Variants in CDHR3 observed in about 807,000 individuals in gnomAD.
CDHR3 encodes the protein cadherin related family member 3.
In CDHR3, 79 loss-of-function variants were observed where a neutral mutation model predicts 86.6. That is an observed-to-expected ratio of 0.91 (90% CI 0.76 to 1.10). The LOEUF (loss-of-function observed/expected upper bound fraction) is 1.10. Among genes scored for constraint, CDHR3 ranks in the 50% least tolerant of loss-of-function variants. The probability of loss-of-function intolerance (pLI) is 0.00; values close to 1 mark genes in which losing one functional copy is unlikely to be tolerated. For missense variants in CDHR3, 1,081 were observed against 1,077.6 expected, an observed-to-expected ratio of 1.00 and a Z score of -0.04; for synonymous variants, 421 against 402.4, an observed-to-expected ratio of 1.05 and a Z score of -0.55.
intron 1 of CDHR3, among the ~76,000 whole-genome samples, chr7:105,968,962 C>T (rs1045790152): frequency 3.5e-4 from 53 of 151,388 alleles, no homozygotes; most frequent in Non-Finnish European, 6.8e-4. Context: ...GTGGCGGGCA[C>T]CTGTAGTCCC....
intron 15 of CDHR3, among the ~76,000 whole-genome samples, 172 bp from the exon 16 acceptor site, chr7:106,026,510 C>T (rs1320613939): frequency 3.3e-5 from 5 of 152,160 alleles, no homozygotes; most frequent in South Asian, 2.1e-4. Flanking sequence ...CTGCTTTGTT[C>T]GAAGCAGGCG....
At chr7:106,028,510 C>T (rs560232551) in intron 16 of CDHR3, 41 bp from the exon 17 acceptor site, 1 of 1,612,978 alleles carries the variant, frequency 6.2e-7, no homozygotes, top group South Asian at 1.1e-5. Flanking sequence ...GTCAATTTAC[C>T]ACCCAAGAAG....
In CDHR3 at chr7:106,020,399, T is replaced by G. The variant is rs1005515176; in HGVS notation, c.1680T>G (p.Asn560Lys). The stretch of plus-strand genomic sequence containing the variant: ...TTACTGTGAACATCCTTGAAGAAAA[T>G]GATGAAAAGCCAATTTGTACTCCAA... ...VTVTVNILEE[N>K]DEKPICTPNS... is the part of the protein sequence containing the mutation. The change falls in exon 13 of 19, where the codon AAT becomes AAG. Residue 560 changes from asparagine to lysine, a missense_variant. Physicochemically the swap from Asn to Lys is moderately conservative, Grantham distance 94. Transcript: ENST00000317716. The G allele has an allele frequency of 6.2e-7, 1 of 1,613,256 alleles. No homozygotes were observed. The highest frequency in any genetic ancestry group is 2.2e-5 in the East Asian group (1 of 44,860).
At chr7:106,029,548 G>GTCTCTCTCTCTCTCTCTCTCTCTC (rs59823993) in intron 17 of CDHR3, among the ~76,000 whole-genome samples, 1 of 147,078 alleles carries the variant, frequency 6.8e-6, no homozygotes, top group African/African-American at 2.5e-5. Context: ...CTCCACCTCT[G>GTCTCTCTCTCTCTCTCTCTCTCTC]TCTCTCTCTC....
chr7:106,022,433 C>G lies in CDHR3; in HGVS notation c.2061C>G (p.Ile687Met). Residue 687 changes from isoleucine to methionine, a missense_variant, in exon 14 of 19, where the codon ATC becomes ATG. Physicochemically the swap from Ile to Met is conservative, Grantham distance 10. Transcript: ENST00000317716. Reference protein sequence around the residue: ...IKVIPHPTTIITTTPRPRVTY... With the variant: ...IKVIPHPTTIMTTTPRPRVTY... Reference sequence around the variant, plus strand: ...TCATTCCCCACCCAACCACTATCATCACCACGACCCCCAGGGTAAGGGCTT... The same window carrying G: ...TCATTCCCCACCCAACCACTATCATGACCACGACCCCCAGGGTAAGGGCTT... 6.2e-7 allele frequency: 1 copy of G among 1,613,830 alleles called. No individual in the cohort carries two copies. Among genetic ancestry groups the G allele is most frequent in the Non-Finnish European group, 8.5e-7 (1 of 1,179,748 alleles).
chr7:105,989,653 A>AT (rs1320479318), intron 4 of CDHR3, among the ~76,000 whole-genome samples: 1 of 152,086 alleles, frequency 6.6e-6, no homozygotes, highest in Non-Finnish European at 1.5e-5. Flanking sequence ...TGGTCATCAT[A>AT]TGCCAGACCT....
At chr7:106,002,974 A>C (rs1833425696) in intron 7 of CDHR3, among the ~76,000 whole-genome samples, 1 of 151,920 alleles carries the variant, frequency 6.6e-6, no homozygotes, top group East Asian at 1.9e-4. Flanking sequence ...TCTCTACTAA[A>C]AGTTTAAAAA....
At chr7:105,996,676 G>A (rs1013979739) in intron 6 of CDHR3, among the ~76,000 whole-genome samples, 8 of 152,132 alleles carry the variant, frequency 5.3e-5, no homozygotes, top group East Asian at 3.8e-4. Flanking sequence ...ATAAAGTGCC[G>A]CGCTTTAGTA....
Position 106,024,561 on chromosome 7 carries a change from C to T in CDHR3, c.2257C>T (p.Leu753=). 6.2e-7 allele frequency: 1 copy of T among 1,613,942 alleles called. No individual in the cohort carries two copies. Residue 753 remains leucine, a splice_region_variant and synonymous_variant, in exon 15 of 19, where the codon CTG becomes TTG. Coordinates refer to ENST00000317716, the MANE Select transcript of CDHR3 (RefSeq NM_152750.5). ...CAAGACTGGGAAGAACAAGGAACCT[C>T]TGTAAGTTGCCAGTGGGCTGGGCCC... ...PCKTGKNKEP[L]TKKGETKTAE...
intron 1 of CDHR3, among the ~76,000 whole-genome samples, chr7:105,972,943 T>A (rs992111949): frequency 1.9e-4 from 29 of 152,256 alleles, no homozygotes; most frequent in Admixed American, 8.5e-4. Flanking sequence ...ATATTTCAAT[T>A]TTTTCCTCTT....
Position 105,986,245 on chromosome 7 carries a change from C to G in CDHR3, c.513+1956C>G, listed in dbSNP as rs191935548. Among the ~76,000 whole-genome samples, 11 of 152,298 alleles carry G rather than the reference C, an allele frequency of 7.2e-5. No individual in the cohort carries two copies. The East Asian group carries it at 2.1e-3, about 29-fold the overall frequency. ...ATGGCCACTTTTGCTTACTGATGAC[C>G]AGGGATTCTTAATGGAGATAAGGTC... On this transcript the variant is annotated intron_variant, in intron 4 of 18. Transcript: ENST00000317716.
Position 106,033,279 on chromosome 7 carries a change from G to A in CDHR3, c.*582G>A, listed in dbSNP as rs1232785386. The A allele has an allele frequency of 6.5e-6, 1 of 153,252 alleles. No homozygotes were observed. The highest frequency in any genetic ancestry group is 1.5e-5 in the Non-Finnish European group (1 of 68,798). The allele number at this position is 153,252 out of a possible 1,614,324, so 9.5% of individuals were successfully genotyped here. A position where few individuals can be genotyped will look rare whatever the true frequency, so the allele number is the denominator to read the frequency against. ...ACCTTCTTTTGTTTTTTCTTGTGGTGTCCGGATCAGCATCCTGCATGTGAG... is the reference window on the plus strand; with the variant it reads ...ACCTTCTTTTGTTTTTTCTTGTGGTATCCGGATCAGCATCCTGCATGTGAG... On this transcript the variant is annotated 3_prime_UTR_variant, in exon 19 of 19. Transcript: ENST00000317716.
chr7:106,032,880 C>T lies in CDHR3; in HGVS notation c.*183C>T, dbSNP rs1838592918. 13 of 591,680 alleles carry T rather than the reference C, an allele frequency of 2.2e-5. No individual in the cohort carries two copies. The highest frequency in any genetic ancestry group is 8.4e-5 in the East Asian group (3 of 35,838). 36.7% of individuals were successfully genotyped at this position (591,680 alleles called of 1,614,324 possible). On this transcript the variant is annotated 3_prime_UTR_variant, in exon 19 of 19. Coordinates refer to ENST00000317716, the MANE Select transcript of CDHR3 (RefSeq NM_152750.5). Reference sequence around the variant, plus strand: ...AGAAAGGGGTTTGATCACATAGTTGCGTGTTCTGAAATGATACAGGAACAT... The same window carrying T: ...AGAAAGGGGTTTGATCACATAGTTGTGTGTTCTGAAATGATACAGGAACAT...
intron 1 of CDHR3, among the ~76,000 whole-genome samples, chr7:105,965,532 C>G (rs972097138): frequency 6.7e-6 from 1 of 150,084 alleles, no homozygotes; most frequent in Non-Finnish European, 1.5e-5. Context: ...TGTGTTCTAA[C>G]TCCTATGCTT....
At chr7:106,023,047 G>A (rs754829631) in intron 14 of CDHR3, among the ~76,000 whole-genome samples, 4 of 152,150 alleles carry the variant, frequency 2.6e-5, no homozygotes, top group Non-Finnish European at 4.4e-5. Flanking sequence ...TTGTATAGGC[G>A]AGTGATTCTC....
At chr7:106,024,348 T>C in intron 14 of CDHR3, 33 bp from the exon 15 acceptor site, 1 of 1,601,344 alleles carries the variant, frequency 6.2e-7, no homozygotes, top group Non-Finnish European at 8.5e-7. Context: ...ACTACCACCC[T>C]CTACTCACCC....
chr7:106,016,120 G>C (rs534821922), intron 11 of CDHR3, 95 bp downstream of exon 11: 6 of 746,226 alleles, frequency 8.0e-6, no homozygotes, highest in South Asian at 1.6e-5. Context: ...TGGAGGCCTC[G>C]CATGCTGTTT....
chr7:105,975,588 A>G lies in CDHR3; in HGVS notation c.249+542A>G, dbSNP rs113167251. Among the ~76,000 whole-genome samples the G allele has an allele frequency of 6.2e-4, 94 of 152,338 alleles. 1 individual carries two copies. The South Asian group carries it at 7.0e-3, about 11-fold the overall frequency. On this transcript the variant is annotated intron_variant, in intron 2 of 18. Coordinates refer to ENST00000317716, the MANE Select transcript of CDHR3 (RefSeq NM_152750.5). ...ATTCAGAGCCAACCATTGACATTCA[A>G]GAGGCATGCCTCTGCTGCTCTGTTT...
intron 2 of CDHR3, among the ~76,000 whole-genome samples, chr7:105,979,251 T>G (rs1829276666): frequency 6.6e-6 from 1 of 152,184 alleles, no homozygotes; most frequent in African/African-American, 2.4e-5. Context: ...GGCTCCAGCA[T>G]CTGTGTGTTT....
Sources: allele counts gnomAD v4.1 joint callset (sites outside exome capture counted in the v4.1 genomes callset), GRCh38; gene constraint gnomAD v4.1.1; transcripts MANE v1.5; gene names NCBI Gene and HGNC (gene_info 2026-07-23, HGNC 2026-07-21).